Variants in NKAIN2 observed in about 807,000 individuals in gnomAD.
NKAIN2 encodes the protein sodium/potassium-transporting ATPase subunit beta-1-interacting protein 2.
In NKAIN2, 14 loss-of-function variants were observed where a neutral mutation model predicts 32.6. The ratio of observed to expected loss-of-function variants is 0.43; its 90% CI spans 0.28 to 0.67. NKAIN2 has a LOEUF of 0.67. NKAIN2 is among the 30% of genes least tolerant of loss of function. The pLI is 0.17. For synonymous variants in NKAIN2, 80 were observed against 87.2 expected (o/e 0.92, Z 0.46); for missense variants, 198 against 258.3 (o/e 0.77, Z 1.60).
At chr6:124,251,555 C>T (rs916361045) in intron 1 of NKAIN2, among the ~76,000 whole-genome samples, 3 of 151,712 alleles carry the variant, frequency 2.0e-5, no homozygotes, top group African/African-American at 4.8e-5. Flanking sequence ...AGACATTTTA[C>T]AAAAGAGGAA....
chr6:124,636,763 A>G (rs551291894), intron 3 of NKAIN2, among the ~76,000 whole-genome samples: 1 of 152,150 alleles, frequency 6.6e-6, no homozygotes. Context: ...TCAATAATAA[A>G]GTCACCCAAC....
At chr6:124,142,873 A>G (rs1014539308) in intron 1 of NKAIN2, among the ~76,000 whole-genome samples, 21 of 152,202 alleles carry the variant, frequency 1.4e-4, no homozygotes, top group African/African-American at 4.8e-4. Context: ...TATCAATGAC[A>G]AATTTTGTAA....
At chr6:124,355,914 C>T (rs750683517) in intron 3 of NKAIN2, among the ~76,000 whole-genome samples, 10 of 152,100 alleles carry the variant, frequency 6.6e-5, no homozygotes, top group Non-Finnish European at 7.4e-5. Context: ...ATATTTTTCA[C>T]ATGGATGCCC....
chr6:124,491,579 C>T (rs1777864465), intron 3 of NKAIN2, among the ~76,000 whole-genome samples: 1 of 151,586 alleles, frequency 6.6e-6, no homozygotes, highest in Non-Finnish European at 1.5e-5. Flanking sequence ...GTATGTATGC[C>T]CTTTTTTAGC....
intron 1 of NKAIN2, among the ~76,000 whole-genome samples, chr6:124,192,996 G>T (rs1336465996): frequency 6.6e-6 from 1 of 151,948 alleles, no homozygotes; most frequent in African/African-American, 2.4e-5. Context: ...TGATCCGCTC[G>T]CCTTGGCCTC....
At chr6:124,236,481 A>G (rs17557191) in intron 1 of NKAIN2, among the ~76,000 whole-genome samples, 11,379 of 152,198 alleles carry the variant, frequency 0.075, 461 homozygotes, top group Middle Eastern at 0.1. Flanking sequence ...GATATTGAGT[A>G]TGGATAGCAC....
rs563359796 is a variant in NKAIN2, at chr6:124,807,014, A to G, written c.536-11373A>G. On this transcript the variant is annotated intron_variant, in intron 5 of 6. Transcript: ENST00000368417. ...CAAGTCCTGAGTGACCTACAAAGAG[A>G]CTTACACTCCCACACATTAATAATG... is the stretch of plus-strand genomic sequence containing the variant. 1.4e-4 allele frequency among the ~76,000 whole-genome samples: 21 copies of G among 152,262 alleles called. No individual in the cohort carries two copies. In the South Asian group the frequency reaches 4.4e-3, roughly 32 times the overall value.
chr6:124,228,904 G>C (rs1792270743), intron 1 of NKAIN2, among the ~76,000 whole-genome samples: 1 of 152,114 alleles, frequency 6.6e-6, no homozygotes, highest in South Asian at 2.1e-4. Flanking sequence ...TGTTTTAATT[G>C]CATTCATTCT....
chr6:124,370,567 T>C (rs1453753500), intron 3 of NKAIN2, among the ~76,000 whole-genome samples: 1 of 152,062 alleles, frequency 6.6e-6, no homozygotes, highest in African/African-American at 2.4e-5. Context: ...CTGAAGTAAT[T>C]AGGAGCTACG....
At chr6:123,935,518 T>A (rs931575254) in intron 1 of NKAIN2, among the ~76,000 whole-genome samples, 1 of 151,998 alleles carries the variant, frequency 6.6e-6, no homozygotes, top group Non-Finnish European at 1.5e-5. Context: ...AATGTTATTT[T>A]ATAAATTTTT....
At chr6:124,076,130 A>G (rs1204791912) in intron 1 of NKAIN2, among the ~76,000 whole-genome samples, 5 of 152,216 alleles carry the variant, frequency 3.3e-5, no homozygotes, top group African/African-American at 1.2e-4. Flanking sequence ...TTAGAAAGGA[A>G]AACATATTTC....
intron 1 of NKAIN2, among the ~76,000 whole-genome samples, chr6:123,975,499 G>T (rs75959159): frequency 6.6e-6 from 1 of 152,076 alleles, no homozygotes; most frequent in Admixed American, 6.6e-5. Flanking sequence ...ATGTATTGGG[G>T]TTCTCCAGAG....
chr6:124,658,495 C>A (rs756434842), intron 4 of NKAIN2, 109 bp downstream of exon 4: 223 of 1,551,016 alleles, frequency 1.4e-4, no homozygotes, highest in Non-Finnish European at 1.9e-4. Flanking sequence ...GGCCTTTTTG[C>A]TTTTTCCTCA....
intron 1 of NKAIN2, among the ~76,000 whole-genome samples, chr6:124,100,956 T>C (rs1434554462): frequency 6.6e-6 from 1 of 152,232 alleles, no homozygotes; most frequent in East Asian, 1.9e-4. Flanking sequence ...GAGTGAATTA[T>C]CTTGCCACAG....
chr6:123,994,016 C>G (rs954460650), intron 1 of NKAIN2, among the ~76,000 whole-genome samples: 6 of 151,986 alleles, frequency 3.9e-5, no homozygotes, highest in African/African-American at 1.5e-4. Flanking sequence ...AGGTATAGAG[C>G]CAGATTGACC....
chr6:124,805,326 C>T (rs1271163073), intron 5 of NKAIN2, among the ~76,000 whole-genome samples: 2 of 152,268 alleles, frequency 1.3e-5, no homozygotes, highest in Admixed American at 6.5e-5. Flanking sequence ...GCGGCATTCG[C>T]GGTTCACAAA....
intron 4 of NKAIN2, among the ~76,000 whole-genome samples, chr6:124,725,787 C>A (rs919485416): frequency 3.9e-5 from 6 of 152,198 alleles, no homozygotes; most frequent in Non-Finnish European, 8.8e-5. Context: ...GCATTTCCAT[C>A]TGAGGTACCA....
At chr6:124,470,103 G>A (rs1776914295) in intron 3 of NKAIN2, among the ~76,000 whole-genome samples, 1 of 152,116 alleles carries the variant, frequency 6.6e-6, no homozygotes, top group Non-Finnish European at 1.5e-5. Context: ...CATGAGTGAG[G>A]GTGGTGGATG....
In NKAIN2 at chr6:123,804,088, C is replaced by G. The variant is rs1014068094; in HGVS notation, c.-113C>G. The G allele has an allele frequency of 8.4e-6, 8 of 947,666 alleles. No homozygotes were observed. Among genetic ancestry groups the G allele is most frequent in the South Asian group, 2.6e-5 (2 of 77,124 alleles). 58.7% of individuals were successfully genotyped at this position (947,666 alleles called of 1,614,324 possible). A position where few individuals can be genotyped will look rare whatever the true frequency, so the allele number is the denominator to read the frequency against. On this transcript the variant is annotated 5_prime_UTR_variant, in exon 1 of 7. Coordinates refer to ENST00000368417, the MANE Select transcript of NKAIN2 (RefSeq NM_001040214.3). ...GCTGGCAGCAGCAGCAGCCCGGAGC[C>G]CCCGAGCCCTCGGCAGGTTTGCGTG...
Sources: gnomAD v4.1 joint callset for allele counts (sites outside exome capture counted in the v4.1 genomes callset) on GRCh38, gnomAD v4.1.1 for gene constraint, MANE v1.5 for transcripts, NCBI Gene and HGNC (gene_info 2026-07-23, HGNC 2026-07-21) for gene names.